Variants in DNMBP observed in about 807,000 individuals in gnomAD.
DNMBP encodes dynamin binding protein.
In DNMBP, 87 loss-of-function variants were observed where a neutral mutation model predicts 150.0. That is an observed-to-expected ratio of 0.58 (90% CI 0.49 to 0.69). The LOEUF (loss-of-function observed/expected upper bound fraction) is 0.69, where lower values mean the gene tolerates loss of function less well. Ranked by LOEUF, DNMBP falls within the 30% of genes least tolerant of loss-of-function variation. The pLI, the probability that DNMBP is intolerant of heterozygous loss-of-function variation, is 0.00. For missense variants in DNMBP, 1,774 were observed against 1,949.0 expected, an observed-to-expected ratio of 0.91 and a Z score of 1.69; for synonymous variants, 711 against 750.4, an observed-to-expected ratio of 0.95 and a Z score of 0.86.
At position 99,981,990 on chromosome 10, in the gene DNMBP, A is replaced by G. The variant is rs561268983; in HGVS notation, c.-10-9856T>C. On this transcript the variant is annotated intron_variant, in intron 1 of 16. Transcript: ENST00000324109. ...GGGTGGCTCTCCAGCTAGCCGTGAC[A>G]TATGGTACAATCCTTTGTTATTTTC... Among the ~76,000 whole-genome samples the G allele has an allele frequency of 3.3e-5, 5 of 152,294 alleles. No homozygotes were observed. In the South Asian group the frequency reaches 8.3e-4, roughly 25 times the overall value.
intron 2 of DNMBP, among the ~76,000 whole-genome samples, chr10:99,970,597 G>A (rs138609073): frequency 2.2e-3 from 339 of 152,224 alleles, no homozygotes; most frequent in Middle Eastern, 6.8e-3. Context: ...ATGAAAGAAA[G>A]GGTAGAAAAT....
In DNMBP at chr10:99,955,815, T is replaced by C. The variant is rs1331074722; in HGVS notation, c.1659A>G (p.Thr553=). 2 of 1,614,128 alleles carry C rather than the reference T, an allele frequency of 1.2e-6. No homozygotes were observed. Among genetic ancestry groups the C allele is most frequent in the Non-Finnish European group, 1.7e-6 (2 of 1,180,048 alleles). ...TCTTCTCAAACTCGATCAGCTGTTG[T>C]GTCAGCTTCGAGTCCAGGTCAGTGC... is the stretch of plus-strand genomic sequence containing the variant. The part of the protein sequence containing the change: ...DGSTDLDSKL[T]QQLIEFEKSL... The change falls in exon 4 of 17, where the codon ACA becomes ACG. Residue 553 remains threonine (T), a synonymous_variant. Coordinates refer to ENST00000324109, the MANE Select transcript of DNMBP (RefSeq NM_015221.4).
At chr10:99,945,933 G>A (rs930376942) in intron 4 of DNMBP, among the ~76,000 whole-genome samples, 4 of 152,234 alleles carry the variant, frequency 2.6e-5, no homozygotes, top group East Asian at 1.9e-4. Context: ...ACATGCAACC[G>A]AACAGCCCTA....
intron 4 of DNMBP, chr10:99,913,979 TGGA>T (rs1297981853): frequency 6.8e-7 from 1 of 1,478,720 alleles, no homozygotes; most frequent in South Asian, 1.4e-5. Flanking sequence ...TGGCTGTGTG[TGGA>T]GGTGTGGGCC....
chr10:99,896,521 A>G, intron 9 of DNMBP, 124 bp from the exon 10 acceptor site: 1 of 919,090 alleles, frequency 1.1e-6, no homozygotes, highest in Non-Finnish European at 1.7e-6. Flanking sequence ...ACAAAATATT[A>G]ATCCAAATAA....
At chr10:99,978,737 C>T (rs1388982222) in intron 1 of DNMBP, among the ~76,000 whole-genome samples, 3 of 152,104 alleles carry the variant, frequency 2.0e-5, no homozygotes, top group Non-Finnish European at 4.4e-5. Context: ...TACCACCACA[C>T]CTGGCTAATT....
chr10:99,913,535 T>C (rs1264886748), intron 4 of DNMBP, among the ~76,000 whole-genome samples: 4 of 152,172 alleles, frequency 2.6e-5, no homozygotes, highest in Admixed American at 1.3e-4. Flanking sequence ...ACTTTCTTCC[T>C]AGGATAGCCC....
chr10:99,973,758 T>A (rs1346521131), intron 1 of DNMBP, among the ~76,000 whole-genome samples: 1 of 152,204 alleles, frequency 6.6e-6, no homozygotes, highest in Non-Finnish European at 1.5e-5. Context: ...GGCGGGCAGA[T>A]CACCTGAGGT....
chr10:99,930,855 T>C, intron 4 of DNMBP: 1 of 586,680 alleles, frequency 1.7e-6, no homozygotes, highest in Non-Finnish European at 3.0e-6. Flanking sequence ...AAGGCTGGAT[T>C]TGTCCTGCTT....
intron 4 of DNMBP, among the ~76,000 whole-genome samples, chr10:99,942,459 C>A (rs192506846): frequency 6.6e-6 from 1 of 152,120 alleles, no homozygotes; most frequent in Non-Finnish European, 1.5e-5. Flanking sequence ...TAAAAGGCAG[C>A]AAGCAGCTCA....
intron 4 of DNMBP, among the ~76,000 whole-genome samples, chr10:99,917,707 T>C (rs958590761): frequency 1.3e-5 from 2 of 152,084 alleles, no homozygotes; most frequent in Non-Finnish European, 2.9e-5. Context: ...GGCTCATGCC[T>C]GCAATCCCAG....
intron 11 of DNMBP, among the ~76,000 whole-genome samples, chr10:99,890,742 CGT>C (rs1373889036): frequency 6.6e-6 from 1 of 152,100 alleles, no homozygotes; most frequent in Non-Finnish European, 1.5e-5. Flanking sequence ...CACCTCCCGG[CGT>C]CAAGCAATTC....
In DNMBP at chr10:99,895,185, G is replaced by A. The variant is rs1191707533; in HGVS notation, c.3052-135C>T. 5.1e-6 allele frequency: 3 copies of A among 590,756 alleles called. No homozygotes were observed. The East Asian group carries it at 8.7e-5, about 17-fold the overall frequency. The allele number at this position is 590,756 out of a possible 1,614,324, so 36.6% of individuals were successfully genotyped here. ...CTTGTCGTCCAGGTTGGAGTGCAAT[G>A]GCATGATCTTGGCTCACTGCAACCT... On this transcript the variant is annotated intron_variant, in intron 10 of 16. Coordinates refer to ENST00000324109, the MANE Select transcript of DNMBP (RefSeq NM_015221.4).
At chr10:99,918,983 A>C (rs948401906) in intron 4 of DNMBP, among the ~76,000 whole-genome samples, 4 of 152,246 alleles carry the variant, frequency 2.6e-5, no homozygotes, top group African/African-American at 9.6e-5. Context: ...ATCACTGTTT[A>C]ATAAGCAAAT....
chr10:99,879,084 C>CAAAAAAAAAAAAAAAAAAAA lies in DNMBP; in HGVS notation c.4548+726_4548+727insTTTTTTTTTTTTTTTTTTTT, dbSNP rs71009780. Among the ~76,000 whole-genome samples the CAAAAAAAAAAAAAAAAAAAA allele has an allele frequency of 1.1e-3, 66 of 62,380 alleles. 2 individuals carry two copies. Among genetic ancestry groups the CAAAAAAAAAAAAAAAAAAAA allele is most frequent in the South Asian group, 5.6e-3 (9 of 1,596 alleles). 40.9% of individuals were successfully genotyped at this position (62,380 alleles called of 152,430 possible). On this transcript the variant is annotated intron_variant, in intron 16 of 16. Transcript: ENST00000324109. ...TGGGCGACAGAGCAAGACTCTGTCT[C>CAAAAAAAAAAAAAAAAAAAA]AAAAAAAAAAAAAAAAACCCAAAAC...
intron 1 of DNMBP, among the ~76,000 whole-genome samples, chr10:99,987,936 A>G (rs1297242405): frequency 2.6e-5 from 4 of 152,196 alleles, no homozygotes; most frequent in Non-Finnish European, 4.4e-5. Flanking sequence ...CGATTAATTA[A>G]CTATGTCCTA....
intron 1 of DNMBP, among the ~76,000 whole-genome samples, chr10:99,973,078 G>A (rs1295099515): frequency 2.5e-5 from 3 of 118,594 alleles, no homozygotes; most frequent in African/African-American, 9.1e-5. Context: ...CACTGCCTGC[G>A]GCATTTATTT....
chr10:99,965,320 A>G (rs934972922), intron 3 of DNMBP, among the ~76,000 whole-genome samples: 1 of 152,190 alleles, frequency 6.6e-6, no homozygotes, highest in Non-Finnish European at 1.5e-5. Flanking sequence ...TAGGCCTGTC[A>G]GAATTCTTAT....
At chr10:99,918,571 C>CTTTT (rs550967017) in intron 4 of DNMBP, among the ~76,000 whole-genome samples, 2 of 84,216 alleles carry the variant, frequency 2.4e-5, no homozygotes, top group Non-Finnish European at 5.0e-5. Flanking sequence ...GAGTCTGCAA[C>CTTTT]TTCTTTTTTT....
Sources: gnomAD v4.1 joint callset for allele counts (sites outside exome capture counted in the v4.1 genomes callset) on GRCh38, gnomAD v4.1.1 for gene constraint, MANE v1.5 for transcripts, NCBI Gene and HGNC (gene_info 2026-07-23, HGNC 2026-07-21) for gene names.